ABCG1: variants seen among roughly 807,000 people sequenced by gnomAD.
ABCG1 encodes ATP-binding cassette sub-family G member 1.
Under a neutral mutation model 69.2 loss-of-function variants are expected in ABCG1, and 29 were observed. The ratio of observed to expected loss-of-function variants is 0.42; its 90% CI spans 0.31 to 0.57. The LOEUF (loss-of-function observed/expected upper bound fraction) is 0.57, where lower values mean the gene tolerates loss of function less well. ABCG1 is among the 20% of genes least tolerant of loss of function. The pLI, the probability that ABCG1 is intolerant of heterozygous loss-of-function variation, is 0.15. For synonymous variants in ABCG1, 370 were observed against 374.8 expected (o/e 0.99, Z 0.15); for missense variants, 718 against 898.1 (o/e 0.80, Z 2.56).
intron 2 of ABCG1, chr21:42,259,966 C>T: frequency 1.3e-6 from 2 of 1,497,792 alleles, no homozygotes; most frequent in Non-Finnish European, 1.8e-6. Context: ...CTTGCTCTTC[C>T]CCTTCCCTCC....
rs544845623 is a variant in ABCG1, at chr21:42,289,234, G to A, written c.1225-816G>A. On this transcript the variant is annotated intron_variant, in intron 10 of 14. Coordinates refer to ENST00000398449, the MANE Select transcript of ABCG1 (RefSeq NM_016818.3). ...TCCTGCTTGTGTTAGGGGTGGCAACGGTGGGTTGTATCATGGCTCTGTCCC... is the reference window on the plus strand; with the variant it reads ...TCCTGCTTGTGTTAGGGGTGGCAACAGTGGGTTGTATCATGGCTCTGTCCC... Among the ~76,000 whole-genome samples, 21 of 152,292 alleles carry A rather than the reference G, an allele frequency of 1.4e-4. 1 individual carries two copies. The South Asian group carries it at 2.7e-3, about 20-fold the overall frequency.
upstream of ABCG1, among the ~76,000 whole-genome samples, chr21:42,217,840 C>T (rs751590544): frequency 2.6e-5 from 4 of 151,670 alleles, no homozygotes; most frequent in African/African-American, 4.8e-5. Flanking sequence ...TACAGGTGCC[C>T]GCCACCACAC....
rs1408141909 is a variant in ABCG1, at chr21:42,287,168, G to A, written c.974-721G>A. ...GACACAGAGGCAGGAGAGGGCAGAG[G>A]GGTTGGGAGAAAGCAGATGTAGGCA... On this transcript the variant is annotated intron_variant, in intron 8 of 14. Coordinates refer to ENST00000398449, the MANE Select transcript of ABCG1 (RefSeq NM_016818.3). This position sits in a 1 kb window ranked among gnomAD's most constrained non-coding sequence, Gnocchi z 6.2. Among the ~76,000 whole-genome samples the A allele has an allele frequency of 1.3e-5, 2 of 152,182 alleles. No homozygotes were observed. Among genetic ancestry groups the A allele is most frequent in the Admixed American group, 6.5e-5 (1 of 15,278 alleles).
chr21:42,242,686 C>T (rs178744), intron 2 of ABCG1, among the ~76,000 whole-genome samples: 52,690 of 152,008 alleles, frequency 0.35, 9,378 homozygotes, highest in African/African-American at 0.41. Context: ...CATTCTGTTC[C>T]GGCTCTTGTG....
intron 2 of ABCG1, among the ~76,000 whole-genome samples, chr21:42,228,347 G>C (rs2123534764): frequency 1.3e-5 from 2 of 152,256 alleles, no homozygotes; most frequent in East Asian, 1.9e-4. Flanking sequence ...GTTTCTGCAG[G>C]GGCCAAGGGT....
chr21:42,293,062 CCACACTACACACACACCACA>C (rs2069106952), intron 13 of ABCG1, among the ~76,000 whole-genome samples: 1 of 96,766 alleles, frequency 1.0e-5, no homozygotes, highest in African/African-American at 4.5e-5. Context: ...TACACACATA[CCACACTACACACACACCACA>C]CACACTACAC....
chr21:42,214,830 G>C (rs2067622604), upstream of ABCG1, among the ~76,000 whole-genome samples: 2 of 152,146 alleles, frequency 1.3e-5, no homozygotes, highest in Admixed American at 6.5e-5. Context: ...CCAGAATTTG[G>C]GGGAAAAAAA....
chr21:42,275,263 C>A (rs542252905), intron 4 of ABCG1, among the ~76,000 whole-genome samples: 2 of 152,188 alleles, frequency 1.3e-5, no homozygotes, highest in African/African-American at 2.4e-5. Flanking sequence ...TGTTCCCATT[C>A]GTGTTCCCTG....
chr21:42,279,528 G>A (rs1349632020), intron 5 of ABCG1, among the ~76,000 whole-genome samples: 2 of 152,254 alleles, frequency 1.3e-5, no homozygotes, highest in Non-Finnish European at 2.9e-5. Context: ...CACCTGTAAC[G>A]TGGGGACAGG....
At chr21:42,249,467 C>A (rs2068185292) in intron 2 of ABCG1, among the ~76,000 whole-genome samples, 1 of 152,116 alleles carries the variant, frequency 6.6e-6, no homozygotes, top group Admixed American at 6.6e-5. Flanking sequence ...TATTTTAGGT[C>A]TCTGGTGCCT....
At chr21:42,244,083 T>C (rs1212867326) in intron 2 of ABCG1, among the ~76,000 whole-genome samples, 1 of 152,000 alleles carries the variant, frequency 6.6e-6, no homozygotes, top group Non-Finnish European at 1.5e-5. Flanking sequence ...CCTCCCAAAG[T>C]GCTGGGATTA....
upstream of ABCG1, among the ~76,000 whole-genome samples, chr21:42,217,715 G>A (rs112154829): frequency 0.15 from 18,254 of 119,568 alleles, 1,574 homozygotes; most frequent in East Asian, 0.24. Context: ...TTTTTGAGAC[G>A]GAGTCTCACT....
rs972258006 is a variant in ABCG1 at position 42,276,585 on chromosome 21, T to C, written c.538-310T>C. 1.9e-5 allele frequency: 7 copies of C among 368,686 alleles called. No homozygotes were observed. In the Admixed American group the frequency reaches 2.2e-4, roughly 11 times the overall value. The allele number at this position is 368,686 out of a possible 1,614,324, so 22.8% of individuals were successfully genotyped here. ...CAAGAACTCCTTGGGTTTTCCATGATGATCAGCTAGCTGCACGGTGGCTAG... is the reference window on the plus strand; with the variant it reads ...CAAGAACTCCTTGGGTTTTCCATGACGATCAGCTAGCTGCACGGTGGCTAG... On this transcript the variant is annotated intron_variant, in intron 4 of 14. Transcript: ENST00000398449. The surrounding 1 kb of genome is among the most constrained non-coding windows in gnomAD (Gnocchi z 5.3).
At chr21:42,205,538 T>C (rs546541001) in intron 2 of ABCG1, among the ~76,000 whole-genome samples, 1 of 150,914 alleles carries the variant, frequency 6.6e-6, no homozygotes. Context: ...GCGGAGGTTA[T>C]GGTGAGCCAA....
At chr21:42,278,703 A>G (rs1428663265) in intron 5 of ABCG1, among the ~76,000 whole-genome samples, 1 of 152,194 alleles carries the variant, frequency 6.6e-6, no homozygotes, top group Non-Finnish European at 1.5e-5. Context: ...GGACTTCGTT[A>G]CAGCAGTGAA....
intron 1 of ABCG1, among the ~76,000 whole-genome samples, chr21:42,200,830 C>T (rs2067500883): frequency 6.6e-6 from 1 of 152,128 alleles, no homozygotes; most frequent in African/African-American, 2.4e-5. Flanking sequence ...TTCAAGTGAT[C>T]CACCTGCCTC....
At chr21:42,250,648 A>C (rs2068205218) in intron 2 of ABCG1, among the ~76,000 whole-genome samples, 1 of 152,216 alleles carries the variant, frequency 6.6e-6, no homozygotes, top group Non-Finnish European at 1.5e-5. Flanking sequence ...GGTCACACAC[A>C]CAGTGAGCGC....
At position 42,288,324 on chromosome 21, in the gene ABCG1, C is replaced by CT. The variant is rs397817214; in HGVS notation, c.1224+12_1224+13insT. On this transcript the variant is annotated intron_variant, in intron 10 of 14. Transcript: ENST00000398449. This position sits in a 1 kb window ranked among gnomAD's most constrained non-coding sequence, Gnocchi z 4.8. ...TCATGAGGGACTCGGTAAGGCTGCC[C>CT]GCATCTTCTCCTGTAGCTGGGGAAC... The CT allele has an allele frequency of 3.6e-5, 58 of 1,594,880 alleles. No individual in the cohort carries two copies. In the African/African-American group the frequency reaches 7.1e-4, roughly 20 times the overall value.
intron 7 of ABCG1, 51 bp downstream of exon 7, chr21:42,284,734 G>C (rs1447348691): frequency 1.3e-6 from 2 of 1,594,596 alleles, no homozygotes. Context: ...ACTCAGGTCA[G>C]CCTGAATGAC....
Sources: allele counts gnomAD v4.1 joint callset (sites outside exome capture counted in the v4.1 genomes callset), GRCh38; gene constraint gnomAD v4.1.1; non-coding constraint Gnocchi (gnomAD v3.1); transcripts MANE v1.5; gene names NCBI Gene and HGNC (gene_info 2026-07-23, HGNC 2026-07-21).